The following ULK4 variants were observed in gnomAD, a reference collection of about 807,000 sequenced individuals.
ULK4 encodes the protein unc-51 like kinase 4, also known as inactive serine/threonine-protein kinase ULK4.
In ULK4, 133 loss-of-function variants were observed where a neutral mutation model predicts 160.6. That is an observed-to-expected ratio of 0.83 (90% CI 0.72 to 0.96). The LOEUF is 0.96. Among genes scored for constraint, ULK4 ranks in the 40% least tolerant of loss-of-function variants. The pLI is 0.00. For missense variants in ULK4, 1,580 were observed against 1,499.5 expected, an observed-to-expected ratio of 1.05 and a Z score of -0.89; for synonymous variants, 534 against 539.8, an observed-to-expected ratio of 0.99 and a Z score of 0.15.
chr3:41,475,505 TAAG>T (rs2084113928), intron 32 of ULK4, among the ~76,000 whole-genome samples: 1 of 152,106 alleles, frequency 6.6e-6, no homozygotes, highest in Admixed American at 6.5e-5. Flanking sequence ...CACAAAAAAA[TAAG>T]TATTTGAGAT....
intron 18 of ULK4, among the ~76,000 whole-genome samples, chr3:41,824,601 A>ATG (rs2041276165): frequency 6.6e-6 from 1 of 151,962 alleles, no homozygotes; most frequent in African/African-American, 2.4e-5. Flanking sequence ...ACTGCAAGGC[A>ATG]GCAGCGATGC....
chr3:41,721,818 C>G (rs1042218257), intron 22 of ULK4, among the ~76,000 whole-genome samples: 2 of 152,192 alleles, frequency 1.3e-5, no homozygotes, highest in Non-Finnish European at 2.9e-5. Flanking sequence ...AAGATTTATG[C>G]TTTCCCACAG....
chr3:41,919,640 TA>T, intron 6 of ULK4, 76 bp downstream of exon 6: 1 of 1,229,584 alleles, frequency 8.1e-7, no homozygotes, highest in Non-Finnish European at 1.2e-6. Context: ...ATCTTATAGG[TA>T]AAACATCTGC....
chr3:41,752,150 T>A (rs1415744298), intron 22 of ULK4, among the ~76,000 whole-genome samples: 1 of 152,252 alleles, frequency 6.6e-6, no homozygotes, highest in Non-Finnish European at 1.5e-5. Context: ...TCTAACAGCA[T>A]CCATTGAGAA....
chr3:41,915,037 A>G (rs1358887012), intron 8 of ULK4, among the ~76,000 whole-genome samples: 1 of 152,228 alleles, frequency 6.6e-6, no homozygotes, highest in African/African-American at 2.4e-5. Context: ...ATAATGTACC[A>G]TGAGAGAAAA....
chr3:41,750,482 C>A lies in ULK4; in HGVS notation c.2321+3879G>T, dbSNP rs137996921. On this transcript the variant is annotated intron_variant, in intron 22 of 36. Transcript: ENST00000301831. Reference sequence around the variant, plus strand: ...CTGGACCTCCACTCCATATTTCTTACTGTTTCCTCTCAAGTTTCCATGTCT... The same window carrying A: ...CTGGACCTCCACTCCATATTTCTTAATGTTTCCTCTCAAGTTTCCATGTCT... 2.1e-3 allele frequency among the ~76,000 whole-genome samples: 318 copies of A among 152,234 alleles called. 2 individuals are homozygous for A. The highest frequency in any genetic ancestry group is 7.2e-3 in the African/African-American group (299 of 41,542).
At chr3:41,891,366 G>A (rs113059632) in intron 16 of ULK4, among the ~76,000 whole-genome samples, 13,513 of 137,554 alleles carry the variant, frequency 0.098, 1,104 homozygotes, top group Middle Eastern at 0.23. Flanking sequence ...AGGGAGGGAG[G>A]CAGGCAGGCA....
At chr3:41,430,667 A>AT (rs2082883813) in intron 34 of ULK4, among the ~76,000 whole-genome samples, 1 of 152,254 alleles carries the variant, frequency 6.6e-6, no homozygotes, top group Admixed American at 6.5e-5. Flanking sequence ...GATCAGTAAT[A>AT]TAATTATAGA....
intron 20 of ULK4, among the ~76,000 whole-genome samples, chr3:41,797,580 C>T (rs551152942): frequency 3.9e-5 from 6 of 152,224 alleles, no homozygotes; most frequent in South Asian, 2.1e-4. Flanking sequence ...AAAATACAGG[C>T]GGGGCACAGT....
chr3:41,582,034 C>T (rs1254764958), intron 31 of ULK4, among the ~76,000 whole-genome samples: 1 of 152,164 alleles, frequency 6.6e-6, no homozygotes, highest in East Asian at 1.9e-4. Context: ...GCTGTGTCCC[C>T]ACCCAAATCT....
chr3:41,689,690 A>C lies in ULK4; in HGVS notation c.2782-7886T>G, dbSNP rs571001638. Among the ~76,000 whole-genome samples the C allele has an allele frequency of 5.9e-5, 9 of 152,396 alleles. No individual in the cohort carries two copies. The South Asian group carries it at 1.2e-3, about 21-fold the overall frequency. ...ATGCAGCTAAAACACACATGAAAAAATGCTCACCATCACTGGCTATCAGAG... is the reference window on the plus strand; with the variant it reads ...ATGCAGCTAAAACACACATGAAAAACTGCTCACCATCACTGGCTATCAGAG... On this transcript the variant is annotated intron_variant, in intron 27 of 36. Transcript: ENST00000301831.
Position 41,892,280 on chromosome 3 carries a change from C to A in ULK4, c.1577+3238G>T, listed in dbSNP as rs1697995484. ...CCAAAGAAGATATACAAATAGCCAA[C>A]AATCACACGAAAAGATGTTCAACAT... is the stretch of plus-strand genomic sequence containing the variant. On this transcript the variant is annotated intron_variant, in intron 16 of 36. Transcript: ENST00000301831. 3.3e-5 allele frequency among the ~76,000 whole-genome samples: 5 copies of A among 152,144 alleles called. No individual in the cohort carries two copies. The South Asian group carries it at 1.0e-3, about 31-fold the overall frequency.
At position 41,566,052 on chromosome 3, in the gene ULK4, A is replaced by G; in HGVS notation, c.3199T>C (p.Ser1067Pro). 6.2e-7 allele frequency: 1 copy of G among 1,613,910 alleles called. No homozygotes were observed. Among genetic ancestry groups the G allele is most frequent in the Non-Finnish European group, 8.5e-7 (1 of 1,179,942 alleles). Reference protein sequence around the residue: ...LLSNLVACKDSNMELLYEQGL... With the variant: ...LLSNLVACKDPNMELLYEQGL... ...TGTTCATAAAGTAGTTCCATATTCG[A>G]ATCTTTGCAGGCAACTAGATTGCTG... Residue 1067 changes from serine (S) to proline (P), a missense_variant, in exon 32 of 37, where the codon TCG becomes CCG. By Grantham distance (74) the Ser-to-Pro change is moderately conservative. Coordinates refer to ENST00000301831, the MANE Select transcript of ULK4 (RefSeq NM_017886.4).
Position 41,706,374 on chromosome 3 carries a change from T to A in ULK4, c.2635-1069A>T, listed in dbSNP as rs150416150. 2.0e-3 allele frequency among the ~76,000 whole-genome samples: 288 copies of A among 145,758 alleles called. 1 individual carries two copies. The highest frequency in any genetic ancestry group is 7.1e-3 in the African/African-American group (281 of 39,822). On this transcript the variant is annotated intron_variant, in intron 25 of 36. Transcript: ENST00000301831. ...ATATATATATATTTATATATATATTTAATATATATATTTATATATATTAAA... is the reference window on the plus strand; with the variant it reads ...ATATATATATATTTATATATATATTAAATATATATATTTATATATATTAAA...
Position 41,671,887 on chromosome 3 carries a change from T to C in ULK4, c.2979-8188A>G, listed in dbSNP as rs1047418762. ...CTCAGCAGTAAAAAACCAACAACAATAATAATAATAATCCCATTTAAAAGT... is the reference window on the plus strand; with the variant it reads ...CTCAGCAGTAAAAAACCAACAACAACAATAATAATAATCCCATTTAAAAGT... On this transcript the variant is annotated intron_variant, in intron 29 of 36. Coordinates refer to ENST00000301831, the MANE Select transcript of ULK4 (RefSeq NM_017886.4). Among the ~76,000 whole-genome samples the C allele has an allele frequency of 1.9e-4, 29 of 151,712 alleles. 1 individual carries two copies. The highest frequency in any genetic ancestry group is 6.8e-4 in the African/African-American group (28 of 41,398).
chr3:41,734,699 A>G (rs745966130), intron 22 of ULK4, among the ~76,000 whole-genome samples: 1 of 152,244 alleles, frequency 6.6e-6, no homozygotes. Flanking sequence ...AACTACAAAG[A>G]TAAACTCCAG....
rs542383475 is a variant in ULK4, at chr3:41,559,159, G to A, written c.3226+6866C>T. On this transcript the variant is annotated intron_variant, in intron 32 of 36. Coordinates refer to ENST00000301831, the MANE Select transcript of ULK4 (RefSeq NM_017886.4). ...TTCTGTCCTTGCGATAGTTTACTGA[G>A]AATGATGGTTTCCAGCTTCATCCAT... is the stretch of plus-strand genomic sequence containing the variant. Among the ~76,000 whole-genome samples the A allele has an allele frequency of 6.0e-5, 9 of 149,872 alleles. No individual in the cohort carries two copies. The South Asian group carries it at 1.3e-3, about 22-fold the overall frequency.
rs148016667 is a variant in ULK4 at position 41,832,719 on chromosome 3, A to C, written c.1764+3145T>G. Among the ~76,000 whole-genome samples the C allele has an allele frequency of 3.3e-5, 5 of 152,318 alleles. No individual in the cohort carries two copies. In the East Asian group the frequency reaches 9.6e-4, roughly 29 times the overall value. On this transcript the variant is annotated intron_variant, in intron 18 of 36. Coordinates refer to ENST00000301831, the MANE Select transcript of ULK4 (RefSeq NM_017886.4). ...TCCATCTTGAGTTAATTTTTGTATAAGGTGCAAGGAATGCATCCAGTTTCA... is the reference window on the plus strand; with the variant it reads ...TCCATCTTGAGTTAATTTTTGTATACGGTGCAAGGAATGCATCCAGTTTCA...
intron 34 of ULK4, among the ~76,000 whole-genome samples, chr3:41,453,971 G>T (rs556120429): frequency 1.5e-5 from 2 of 130,360 alleles, no homozygotes; most frequent in South Asian, 5.1e-4. Context: ...GGTGGGAATT[G>T]AACAATGAGA....
Sources: gnomAD v4.1 joint callset for allele counts (sites outside exome capture counted in the v4.1 genomes callset) on GRCh38, gnomAD v4.1.1 for gene constraint, MANE v1.5 for transcripts, NCBI Gene and HGNC (gene_info 2026-07-23, HGNC 2026-07-21) for gene names.